Variants in CFAP141 observed in about 807,000 individuals in gnomAD.
CFAP141 encodes cilia and flagella associated protein 141, also known as cilia- and flagella-associated protein 141.
the CFAP141 span, chr1:154,200,597 G>A: frequency 1.5e-5 from 25 of 1,613,840 alleles, no homozygotes; most frequent in Non-Finnish European, 2.1e-5. Flanking sequence ...ACCTGCTCCA[G>A]GTACAGAGGT....
chr1:154,201,687 C>T, the CFAP141 span, among the ~76,000 whole-genome samples: 11 of 151,820 alleles, frequency 7.2e-5, no homozygotes, highest in Non-Finnish European at 1.6e-4. Flanking sequence ...CGCGCCTGGC[C>T]CCAAATCCAA....
chr1:154,206,221 G>C, the CFAP141 span: 1 of 1,533,968 alleles, frequency 6.5e-7, no homozygotes, highest in Admixed American at 1.7e-5. Context: ...ATAGTAAATT[G>C]ATCTGGAAAC....
the CFAP141 span, among the ~76,000 whole-genome samples, chr1:154,205,882 T>C: frequency 6.6e-6 from 1 of 152,140 alleles, no homozygotes; most frequent in South Asian, 2.1e-4. Context: ...TTTGTATTTT[T>C]AGTAGAGATG....
chr1:154,205,479 C>T, the CFAP141 span: 3 of 918,480 alleles, frequency 3.3e-6, 1 homozygote, highest in East Asian at 7.2e-5. Context: ...CCTTCCGCAT[C>T]TGTTTTCCTC....
the CFAP141 span, among the ~76,000 whole-genome samples, chr1:154,202,725 C>T: frequency 6.6e-6 from 1 of 151,994 alleles, no homozygotes; most frequent in South Asian, 2.1e-4. Flanking sequence ...GGCGTGAACC[C>T]AGGAGACAGA....
chr1:154,206,251 GC>G, the CFAP141 span: 1 of 1,611,954 alleles, frequency 6.2e-7, no homozygotes. Context: ...CTTCAACCCA[GC>G]CCCTCCTTCC....
At chr1:154,202,690 AC>A in the CFAP141 span, among the ~76,000 whole-genome samples, 1 of 151,666 alleles carries the variant, frequency 6.6e-6, no homozygotes, top group South Asian at 2.1e-4. Flanking sequence ...AGTCCCAGCT[AC>A]TCGGGAGGCT....
At chr1:154,199,234 C>G in the CFAP141 span, 3 of 332,944 alleles carry the variant, frequency 9.0e-6, no homozygotes, top group Non-Finnish European at 1.7e-5. Flanking sequence ...ACTGTTGTTT[C>G]ATAGATTGTT....
At chr1:154,205,721 T>TG in the CFAP141 span, 1 of 1,250,522 alleles carries the variant, frequency 8.0e-7, no homozygotes, top group East Asian at 2.4e-5. Flanking sequence ...TTTTTTTTTT[T>TG]GAGACAGAGT....
At chr1:154,199,269 CGA>C in the CFAP141 span, 4 of 498,518 alleles carry the variant, frequency 8.0e-6, no homozygotes, top group Middle Eastern at 5.5e-4. Context: ...AAAGGATTAA[CGA>C]GAGAGTGGAG....
chr1:154,206,264 A>C, the CFAP141 span: 1 of 1,613,576 alleles, frequency 6.2e-7, no homozygotes. Context: ...CCTCCTTCCA[A>C]CTCTGCATAC....
chr1:154,205,903 A>G, the CFAP141 span, among the ~76,000 whole-genome samples: 1 of 152,040 alleles, frequency 6.6e-6, no homozygotes, highest in Non-Finnish European at 1.5e-5. Context: ...GGGTTTCTCC[A>G]TGTTGGTCAG....
At chr1:154,203,804 G>C in the CFAP141 span, among the ~76,000 whole-genome samples, 1 of 152,162 alleles carries the variant, frequency 6.6e-6, no homozygotes, top group Non-Finnish European at 1.5e-5. Flanking sequence ...GCCGGGCGTG[G>C]TGGCTCACGC....
chr1:154,205,622 A>G, the CFAP141 span: 24 of 1,613,932 alleles, frequency 1.5e-5, no homozygotes, highest in Admixed American at 1.3e-4. Flanking sequence ...CTTAAGTCCC[A>G]TGGCCTTTTG....
the CFAP141 span, among the ~76,000 whole-genome samples, chr1:154,204,346 G>A: frequency 5.5e-4 from 83 of 151,988 alleles, no homozygotes; most frequent in Admixed American, 1.4e-3. Flanking sequence ...GATATAACCC[G>A]TGAAACCTTA....
chr1:154,200,454 C>T, the CFAP141 span: 1 of 1,614,060 alleles, frequency 6.2e-7, no homozygotes. Context: ...CCTGCTAGAA[C>T]TCACCATTAG....
chr1:154,203,160 T>G, the CFAP141 span, among the ~76,000 whole-genome samples: 1 of 90,328 alleles, frequency 1.1e-5, no homozygotes, highest in African/African-American at 4.3e-5. Context: ...AGTTGTTATC[T>G]CTGACTGGGC....
chr1:154,205,056 T>G, the CFAP141 span, among the ~76,000 whole-genome samples: 2 of 150,702 alleles, frequency 1.3e-5, no homozygotes, highest in African/African-American at 2.4e-5. Context: ...TAACTTCTTT[T>G]GTATTTTAGT....
the CFAP141 span, among the ~76,000 whole-genome samples, chr1:154,204,988 T>C: frequency 6.6e-6 from 1 of 151,266 alleles, no homozygotes; most frequent in African/African-American, 2.4e-5. Flanking sequence ...TTCAAGCAAT[T>C]CTCCTGCCTC....
Sources: allele counts gnomAD v4.1 joint callset (sites outside exome capture counted in the v4.1 genomes callset), GRCh38; gene constraint gnomAD v4.1.1; transcripts MANE v1.5; gene names NCBI Gene and HGNC (gene_info 2026-07-23, HGNC 2026-07-21).